The following CYLC1 variants were observed in gnomAD, a reference collection of about 807,000 sequenced individuals.
The protein encoded by CYLC1 is cylicin 1, also known as cylicin-1.
CYLC1 carries 2 observed loss-of-function variants against 31.6 expected under a neutral mutation model. That is an observed-to-expected ratio of 0.06 (90% confidence interval 0.03 to 0.20). The LOEUF is 0.20. Ranked by LOEUF, CYLC1 falls within the 10% of genes least tolerant of loss-of-function variation. The pLI, the probability that CYLC1 is intolerant of heterozygous loss-of-function variation, is 1.00. For synonymous variants in CYLC1, 185 were observed against 153.0 expected, an observed-to-expected ratio of 1.21 and a Z score of -1.54; for missense variants, 595 against 424.1, an observed-to-expected ratio of 1.40 and a Z score of -3.54.
intron 3 of CYLC1, 80 bp downstream of exon 3, chrX:83,871,650 C>G (rs2031666873): frequency 1.1e-6 from 1 of 933,338 alleles, no homozygotes; most frequent in African/African-American, 2.0e-5. Context: ...GCCTATATAA[C>G]TTGAATTTTA....
Position 83,873,456 on chromosome X carries a change from T to C in CYLC1, c.748T>C (p.Leu250=). ...ENSLNVDFLM[L]VGQSDDESIN... is the part of the protein sequence containing the mutation. ...TAGTTTAAATGTTGATTTCCTCATG[T>C]TAGTGGGACAGTCTGATGATGAATC... Residue 250 remains leucine, a synonymous_variant, in exon 4 of 5, where the codon TTA becomes CTA. Transcript: ENST00000329312. The C allele has an allele frequency of 8.3e-7, 1 of 1,198,674 alleles. No individual in the cohort carries two copies. Among genetic ancestry groups the C allele is most frequent in the Non-Finnish European group, 1.1e-6 (1 of 888,198 alleles).
At chrX:83,870,249 A>G (rs932082144) in intron 2 of CYLC1, among the ~76,000 whole-genome samples, 10 of 111,757 alleles carry the variant, frequency 8.9e-5, no homozygotes, top group African/African-American at 2.9e-4. Flanking sequence ...CAGAGAGATG[A>G]AAACAGTTAA....
At chrX:83,866,287 CT>C (rs1336825564) in intron 1 of CYLC1, among the ~76,000 whole-genome samples, 1 of 111,620 alleles carries the variant, frequency 9.0e-6, no homozygotes, top group African/African-American at 3.2e-5. Context: ...AATCATTGGC[CT>C]CAAGCAATTT....
chrX:83,873,785 G>T lies in CYLC1; in HGVS notation c.1077G>T (p.Lys359Asn). 1 of 1,189,400 alleles carries T rather than the reference G, an allele frequency of 8.4e-7. No individual in the cohort carries two copies. The change falls in exon 4 of 5, where the codon AAG (lysine) becomes AAT (asparagine). Residue 359 changes from lysine to asparagine, a missense_variant. Transcript: ENST00000329312. The part of the protein sequence containing the change: ...KDKKKLKKDD[K>N]KKDTKKYPES... ...AGAAAAAATTAAAGAAAGATGACAAGAAAAAGGACACAAAGAAGTACCCAG... is the reference window on the plus strand; with the variant it reads ...AGAAAAAATTAAAGAAAGATGACAATAAAAAGGACACAAAGAAGTACCCAG...
intron 2 of CYLC1, among the ~76,000 whole-genome samples, chrX:83,870,898 A>G (rs2031653970): frequency 9.0e-6 from 1 of 110,762 alleles, no homozygotes; most frequent in African/African-American, 3.3e-5. Context: ...CCCAAAATGG[A>G]ATGCAGTATT....
intron 3 of CYLC1, 55 bp downstream of exon 3, chrX:83,871,625 A>G (rs939722181): frequency 9.2e-6 from 10 of 1,082,149 alleles, no homozygotes; most frequent in Non-Finnish European, 1.2e-5. Context: ...TAAAGCATAT[A>G]TAAATATAAG....
At chrX:83,866,592 C>G (rs2031595908) in intron 1 of CYLC1, among the ~76,000 whole-genome samples, 1 of 110,865 alleles carries the variant, frequency 9.0e-6, no homozygotes, top group African/African-American at 3.3e-5. Flanking sequence ...GAAACTCATG[C>G]TTCTCTTGTG....
intron 1 of CYLC1, chrX:83,864,830 A>C: frequency 4.9e-6 from 1 of 205,027 alleles, no homozygotes; most frequent in Admixed American, 6.8e-5. Flanking sequence ...TTATCATGTC[A>C]CTCTGCTTTC....
rs1246229022 is a variant in CYLC1, at chrX:83,883,780, G to T, written c.1924-2772G>T. The stretch of plus-strand genomic sequence containing the variant: ...GGCACTCAATATTTGCTGAAAAATT[G>T]AATGTGGCATTTGTTAGAGGACTAC... On this transcript the variant is annotated intron_variant, in intron 4 of 4. Transcript: ENST00000329312. 2.7e-5 allele frequency among the ~76,000 whole-genome samples: 3 copies of T among 111,781 alleles called. No individual in the cohort carries two copies. In the Admixed American group the frequency reaches 2.9e-4, roughly 11 times the overall value.
At chrX:83,882,335 C>T (rs994850580) in intron 4 of CYLC1, among the ~76,000 whole-genome samples, 4 of 110,815 alleles carry the variant, frequency 3.6e-5, no homozygotes, top group African/African-American at 1.3e-4. Flanking sequence ...ACCTTTATAA[C>T]ATTAAATATT....
In CYLC1 at chrX:83,869,913, TTTAG is replaced by T. The variant is rs2031641385; in HGVS notation, c.58+12_58+15del. 2.5e-6 allele frequency: 2 copies of T among 809,735 alleles called. No homozygotes were observed. The highest frequency in any genetic ancestry group is 2.1e-5 in the African/African-American group (1 of 46,773). 66.7% of individuals were successfully genotyped at this position (809,735 alleles called of 1,213,427 possible). A position where few individuals can be genotyped will look rare whatever the true frequency, so the allele number is the denominator to read the frequency against. On this transcript the variant is annotated intron_variant, in intron 2 of 4. Transcript: ENST00000329312. ...ATGATAATTCCATTCCAAGTAAGAA[TTTAG>T]TTAATGAAGTTTAATATTTCTTAGA...
intron 4 of CYLC1, among the ~76,000 whole-genome samples, chrX:83,877,736 C>T (rs1390544489): frequency 1.9e-5 from 2 of 103,763 alleles, no homozygotes; most frequent in South Asian, 8.3e-4. Context: ...TATGCAGTCA[C>T]CCTCCGAACA....
intron 1 of CYLC1, chrX:83,864,663 C>A (rs1287452017): frequency 3.2e-6 from 1 of 310,917 alleles, no homozygotes; most frequent in East Asian, 1.1e-4. Context: ...ATTCCCAGAC[C>A]CATTACTGGA....
Position 83,874,242 on chromosome X carries a change from G to A in CYLC1, c.1534G>A (p.Asp512Asn), listed in dbSNP as rs1262368840. 2.5e-6 allele frequency: 3 copies of A among 1,208,067 alleles called. No homozygotes were observed. The highest frequency in any genetic ancestry group is 2.2e-5 in the Admixed American group (1 of 45,682). ...KKGSKKDIKK[D>N]ARKDTESTDA... The stretch of plus-strand genomic sequence containing the variant: ...AGGTTCAAAGAAAGATATCAAGAAG[G>A]ATGCAAGAAAGGACACAGAGTCTAC... The change falls in exon 4 of 5, where the codon GAT (aspartate) becomes AAT (asparagine). Residue 512 changes from aspartate (D) to asparagine (N), a missense_variant. Asp to Asn is a conservative substitution (Grantham distance 23). Transcript: ENST00000329312.
At chrX:83,877,140 T>A (rs930649885) in intron 4 of CYLC1, among the ~76,000 whole-genome samples, 16 of 111,252 alleles carry the variant, frequency 1.4e-4, no homozygotes, top group African/African-American at 5.2e-4. Flanking sequence ...AGCCTGGACA[T>A]AATCTCCTTC....
chrX:83,883,736 T>C (rs946484646), intron 4 of CYLC1, among the ~76,000 whole-genome samples: 4 of 111,959 alleles, frequency 3.6e-5, no homozygotes, highest in Non-Finnish European at 5.7e-5. Context: ...CTAATGTATT[T>C]GAAATTCCCA....
At chrX:83,885,678 A>G (rs941828956) in intron 4 of CYLC1, among the ~76,000 whole-genome samples, 1 of 109,216 alleles carries the variant, frequency 9.2e-6, no homozygotes, top group Non-Finnish European at 1.9e-5. Flanking sequence ...AGAGTCATAA[A>G]TGATAAAATA....
chrX:83,864,895 C>T (rs925609845), intron 1 of CYLC1, among the ~76,000 whole-genome samples: 2 of 110,848 alleles, frequency 1.8e-5, no homozygotes, highest in African/African-American at 3.3e-5. Context: ...TTGCTGGTTT[C>T]TCTTTACCTC....
intron 1 of CYLC1, among the ~76,000 whole-genome samples, chrX:83,865,685 A>G (rs1023942944): frequency 9.9e-5 from 11 of 111,349 alleles, no homozygotes; most frequent in African/African-American, 3.6e-4. Context: ...GGCTGCTAGC[A>G]TGTCTTGGTT....
Sources: allele counts gnomAD v4.1 joint callset (sites outside exome capture counted in the v4.1 genomes callset), GRCh38; gene constraint gnomAD v4.1.1; transcripts MANE v1.5; gene names NCBI Gene and HGNC (gene_info 2026-07-23, HGNC 2026-07-21).